Variants in RANBP2 observed in about 807,000 individuals in gnomAD.
The protein encoded by RANBP2 is E3 SUMO-protein ligase RanBP2.
Under a neutral mutation model 303.6 loss-of-function variants are expected in RANBP2, and 57 were observed. That is an observed-to-expected ratio of 0.19 (90% CI 0.15 to 0.23). The LOEUF is 0.23. Among genes scored for constraint, RANBP2 ranks in the 10% least tolerant of loss-of-function variants. The pLI is 1.00. For synonymous variants in RANBP2, 1,167 were observed against 1,301.5 expected (o/e 0.90, Z 2.23); for missense variants, 3,138 against 3,780.8 (o/e 0.83, Z 4.46).
chr2:108,906,433 T>C, the RANBP2 span: 3 of 1,568,916 alleles, frequency 1.9e-6, no homozygotes, highest in Admixed American at 5.0e-5. Flanking sequence ...AGGCAAATCC[T>C]CCATGTCAGC....
the RANBP2 span, among the ~76,000 whole-genome samples, chr2:109,044,521 G>A: frequency 5.5e-4 from 84 of 151,672 alleles, no homozygotes; most frequent in Non-Finnish European, 1.0e-3. Context: ...AGACTCTGTC[G>A]CAAAAAATAA....
At chr2:109,032,554 C>G in the RANBP2 span, among the ~76,000 whole-genome samples, 1 of 152,018 alleles carries the variant, frequency 6.6e-6, no homozygotes, top group Non-Finnish European at 1.5e-5. Context: ...ATTCTTCATC[C>G]CACTCCATCC....
chr2:108,929,835 A>G, the RANBP2 span, among the ~76,000 whole-genome samples: 1 of 152,230 alleles, frequency 6.6e-6, no homozygotes, highest in East Asian at 1.9e-4. Context: ...CCTGCTTCCA[A>G]TCAGATGATC....
At chr2:109,394,912 A>T in the RANBP2 span, among the ~76,000 whole-genome samples, 2 of 152,232 alleles carry the variant, frequency 1.3e-5, no homozygotes, top group East Asian at 3.9e-4. Context: ...TAATGGGTGC[A>T]CGGGAGCCGC....
chr2:109,021,342 T>C, the RANBP2 span, among the ~76,000 whole-genome samples: 3 of 151,758 alleles, frequency 2.0e-5, no homozygotes, highest in African/African-American at 7.3e-5. Flanking sequence ...GCTGACACGG[T>C]GAAACCCCAT....
At chr2:109,169,694 A>C in the RANBP2 span, among the ~76,000 whole-genome samples, 125 of 152,052 alleles carry the variant, frequency 8.2e-4, no homozygotes, top group African/African-American at 2.2e-3. Context: ...GTTTGGCTAT[A>C]TCTCTCTCTC....
chr2:109,221,938 A>G, the RANBP2 span, among the ~76,000 whole-genome samples: 1 of 152,158 alleles, frequency 6.6e-6, no homozygotes, highest in African/African-American at 2.4e-5. Context: ...CACAATAGCA[A>G]AGATGTGAAT....
At chr2:108,811,297 G>A in the RANBP2 span, among the ~76,000 whole-genome samples, 1 of 122,360 alleles carries the variant, frequency 8.2e-6, no homozygotes, top group African/African-American at 3.1e-5. Context: ...TTGAAGTGCA[G>A]TGGCATGACC....
chr2:109,242,298 G>C, the RANBP2 span, among the ~76,000 whole-genome samples: 2 of 152,144 alleles, frequency 1.3e-5, no homozygotes, highest in African/African-American at 4.8e-5. Flanking sequence ...GTCACCAATT[G>C]GGTGGAAGCC....
At chr2:109,170,302 C>T in the RANBP2 span, among the ~76,000 whole-genome samples, 1 of 126,290 alleles carries the variant, frequency 7.9e-6, no homozygotes, top group Non-Finnish European at 1.7e-5. Flanking sequence ...CTCTTCTCTT[C>T]TCTTCTCTTC....
chr2:109,297,692 C>T, the RANBP2 span, among the ~76,000 whole-genome samples: 1 of 150,878 alleles, frequency 6.6e-6, no homozygotes, highest in African/African-American at 2.4e-5. Context: ...GGGCCAATGC[C>T]CCCCATTCTG....
the RANBP2 span, among the ~76,000 whole-genome samples, chr2:109,339,136 G>A: frequency 2.0e-5 from 3 of 152,146 alleles, no homozygotes; most frequent in African/African-American, 7.2e-5. Flanking sequence ...TGGCTTTGCT[G>A]TCTCAGGCAG....
the RANBP2 span, among the ~76,000 whole-genome samples, chr2:109,125,218 T>A: frequency 1.3e-5 from 2 of 151,890 alleles, no homozygotes; most frequent in African/African-American, 2.4e-5. Context: ...TCTGCCCACG[T>A]CCCTCCACCT....
At chr2:109,354,940 T>C in the RANBP2 span, among the ~76,000 whole-genome samples, 4 of 152,368 alleles carry the variant, frequency 2.6e-5, no homozygotes, top group South Asian at 6.2e-4. Flanking sequence ...AAAGGTGATA[T>C]AGTTTTTTAG....
chr2:109,538,586 G>A, the RANBP2 span, among the ~76,000 whole-genome samples: 47 of 152,254 alleles, frequency 3.1e-4, no homozygotes, highest in African/African-American at 1.0e-3. Flanking sequence ...GCATGATCTC[G>A]GCTTACCACG....
chr2:109,218,707 A>G, the RANBP2 span, among the ~76,000 whole-genome samples: 7 of 152,142 alleles, frequency 4.6e-5, no homozygotes, highest in Admixed American at 1.3e-4. Context: ...CCCTTTCATC[A>G]TGGCTGGACT....
the RANBP2 span, among the ~76,000 whole-genome samples, chr2:109,279,601 G>A: frequency 2.1e-4 from 32 of 152,220 alleles, no homozygotes; most frequent in African/African-American, 7.5e-4. Flanking sequence ...TCAAGGAAAC[G>A]GGATACCTTT....
At chr2:109,368,717 A>AAG in the RANBP2 span, among the ~76,000 whole-genome samples, 1 of 150,698 alleles carries the variant, frequency 6.6e-6, no homozygotes, top group African/African-American at 2.4e-5. Context: ...TTAAAAAAAA[A>AAG]AAAAAAGAAA....
chr2:109,518,915 C>CTTTTTT, the RANBP2 span, among the ~76,000 whole-genome samples: 5 of 110,990 alleles, frequency 4.5e-5, no homozygotes, highest in African/African-American at 2.0e-4. Flanking sequence ...TGCTACATAT[C>CTTTTTT]TTTTTTTTTT....
Sources: allele counts gnomAD v4.1 joint callset (sites outside exome capture counted in the v4.1 genomes callset), GRCh38; gene constraint gnomAD v4.1.1; transcripts MANE v1.5; gene names NCBI Gene and HGNC (gene_info 2026-07-23, HGNC 2026-07-21).